The following KRTAP3-1 variants were observed in gnomAD, a reference collection of about 807,000 sequenced individuals.
KRTAP3-1 encodes the protein keratin associated protein 3-1.
In KRTAP3-1, 3 loss-of-function variants were observed where a neutral mutation model predicts 2.8. That is an observed-to-expected ratio of 1.07 (90% CI 0.49 to 2.78). The LOEUF (loss-of-function observed/expected upper bound fraction) is 2.78, where lower values mean the gene tolerates loss of function less well. Among genes scored for constraint, KRTAP3-1 ranks in the 30% most tolerant of loss-of-function variants. The pLI, the probability that KRTAP3-1 is intolerant of heterozygous loss-of-function variation, is 0.04. For synonymous variants in KRTAP3-1, 47 were observed against 49.1 expected, an observed-to-expected ratio of 0.96 and a Z score of 0.18; for missense variants, 130 against 127.6, an observed-to-expected ratio of 1.02 and a Z score of -0.09.
chr17:41,008,727 T>C lies in KRTAP3-1; in HGVS notation c.*51A>G, dbSNP rs749218321. On this transcript the variant is annotated 3_prime_UTR_variant, in exon 1 of 1. Coordinates refer to ENST00000391588, the MANE Select transcript of KRTAP3-1 (RefSeq NM_031958.2). Reference sequence around the variant, plus strand: ...GTAGTGAGTGCTGAAGCCCAGATGGTGCAGAGGACATTGGGCAGCCACCTC... The same window carrying C: ...GTAGTGAGTGCTGAAGCCCAGATGGCGCAGAGGACATTGGGCAGCCACCTC... 5.9e-6 allele frequency: 9 copies of C among 1,532,538 alleles called. 1 individual carries two copies. In the South Asian group the frequency reaches 7.6e-5, roughly 13 times the overall value. 94.9% of individuals were successfully genotyped at this position (1,532,538 alleles called of 1,614,324 possible).
Position 41,009,063 on chromosome 17 carries a change from A to G in KRTAP3-1, c.12T>C (p.Cys4=). Reference sequence around the variant, plus strand: ...TGGGGACGCTGCAGGAGCGGAGAGCACAGCAATACATGGCAATGGGAGGTG... The same window carrying G: ...TGGGGACGCTGCAGGAGCGGAGAGCGCAGCAATACATGGCAATGGGAGGTG... MYC[C]ALRSCSVPTG... The change falls in exon 1 of 1, where the codon TGT becomes TGC. Residue 4 remains cysteine, a synonymous_variant. Coordinates refer to ENST00000391588, the MANE Select transcript of KRTAP3-1 (RefSeq NM_031958.2). The G allele has an allele frequency of 6.2e-7, 1 of 1,613,656 alleles. No homozygotes were observed. Among genetic ancestry groups the G allele is most frequent in the Non-Finnish European group, 8.5e-7 (1 of 1,179,766 alleles).
chr17:41,008,975 T>C lies in KRTAP3-1; in HGVS notation c.100A>G (p.Ser34Gly), dbSNP rs377240874. The change falls in exon 1 of 1, where the codon AGC becomes GGC. Residue 34 changes from serine (S) to glycine (G), a missense_variant. By Grantham distance (56) the Ser-to-Gly change is moderately conservative. Transcript: ENST00000391588. The part of the protein sequence containing the change: ...KSCRCGVCLP[S>G]TCPHEISLLQ... ...AGGCTGATCTCATGTGGGCAGGTGC[T>C]GGGTAGGCAGACTCCACAGCGGCAG... The C allele has an allele frequency of 1.2e-6, 2 of 1,614,076 alleles. No individual in the cohort carries two copies. The highest frequency in any genetic ancestry group is 1.7e-6 in the Non-Finnish European group (2 of 1,180,050).
Position 41,008,951 on chromosome 17 carries a change from G to A in KRTAP3-1, c.124C>T (p.Leu42Phe). 1 of 1,614,256 alleles carries A rather than the reference G, an allele frequency of 6.2e-7. No individual in the cohort carries two copies. The highest frequency in any genetic ancestry group is 8.5e-7 in the Non-Finnish European group (1 of 1,180,052). ...GTGTCACAGCAGATGGGCTGAAGGA[G>A]GCTGATCTCATGTGGGCAGGTGCTG... ...LPSTCPHEISLLQPICCDTCP... is the reference protein window; with the variant it reads ...LPSTCPHEISFLQPICCDTCP... The change falls in exon 1 of 1, where the codon CTC (leucine) becomes TTC (phenylalanine). Residue 42 changes from leucine to phenylalanine, a missense_variant. Physicochemically the swap from Leu to Phe is conservative, Grantham distance 22. Coordinates refer to ENST00000391588, the MANE Select transcript of KRTAP3-1 (RefSeq NM_031958.2).
At position 41,009,128 on chromosome 17, in the gene KRTAP3-1, T is replaced by C; in HGVS notation, c.-54A>G. 6.4e-7 allele frequency: 1 copy of C among 1,550,466 alleles called. No homozygotes were observed. The highest frequency in any genetic ancestry group is 1.2e-5 in the South Asian group (1 of 82,998). ...TGAGAGAAGTCTGTTGGTGTCTCGA[T>C]GCTCCTCTCTTCTGCTCTGGCTCTT... On this transcript the variant is annotated 5_prime_UTR_variant, in exon 1 of 1. Transcript: ENST00000391588.
In KRTAP3-1 at chr17:41,008,982, G is replaced by A. The variant is rs1318062431; in HGVS notation, c.93C>T (p.Cys31=). 6.2e-7 allele frequency: 1 copy of A among 1,614,144 alleles called. No homozygotes were observed. The change falls in exon 1 of 1, where the codon TGC becomes TGT. Residue 31 remains cysteine, a synonymous_variant. Transcript: ENST00000391588. ...TCTCATGTGGGCAGGTGCTGGGTAG[G>A]CAGACTCCACAGCGGCAGCTTTTAT... ...SFDKSCRCGV[C]LPSTCPHEIS...
In KRTAP3-1 at chr17:41,008,681, G is replaced by A. The variant is rs144829467; in HGVS notation, c.*97C>T. The A allele has an allele frequency of 2.9e-3, 3,436 of 1,201,684 alleles. 10 individuals are homozygous for A. Among genetic ancestry groups the A allele is most frequent in the Middle Eastern group, 0.011 (40 of 3,728 alleles). 74.4% of individuals were successfully genotyped at this position (1,201,684 alleles called of 1,614,324 possible). Reference sequence around the variant, plus strand: ...AGACTTGGCCCCGGGGATTGGGATGGCCTTAGCCTTGATGTAGGCAGTAGT... The same window carrying A: ...AGACTTGGCCCCGGGGATTGGGATGACCTTAGCCTTGATGTAGGCAGTAGT... On this transcript the variant is annotated 3_prime_UTR_variant, in exon 1 of 1. Coordinates refer to ENST00000391588, the MANE Select transcript of KRTAP3-1 (RefSeq NM_031958.2).
In KRTAP3-1 at chr17:41,008,969, A is replaced by G; in HGVS notation, c.106T>C (p.Cys36Arg). ...CRCGVCLPSTCPHEISLLQPI... is the reference protein window; with the variant it reads ...CRCGVCLPSTRPHEISLLQPI... The stretch of plus-strand genomic sequence containing the variant: ...TGAAGGAGGCTGATCTCATGTGGGC[A>G]GGTGCTGGGTAGGCAGACTCCACAG... The change falls in exon 1 of 1, where the codon TGC becomes CGC. Residue 36 changes from cysteine to arginine, a missense_variant. By Grantham distance (180) the Cys-to-Arg change is radical. Transcript: ENST00000391588. The G allele has an allele frequency of 6.2e-7, 1 of 1,614,254 alleles. No individual in the cohort carries two copies. The highest frequency in any genetic ancestry group is 1.1e-5 in the South Asian group (1 of 91,090).
At position 41,008,990 on chromosome 17, in the gene KRTAP3-1, CA is replaced by C; in HGVS notation, c.84del (p.Cys28TrpfsTer50). ...GGGCAGGTGCTGGGTAGGCAGACTC[CA>C]CAGCGGCAGCTTTTATCAAATGAGC... ...TFCSFDKSCR[C>X]GVCLPSTCPH... On this transcript the variant is annotated frameshift_variant, in exon 1 of 1. Coordinates refer to ENST00000391588, the MANE Select transcript of KRTAP3-1 (RefSeq NM_031958.2). LOFTEE classifies it high-confidence loss of function. 1 of 1,614,224 alleles carries C rather than the reference CA, an allele frequency of 6.2e-7. No individual in the cohort carries two copies. Among genetic ancestry groups the C allele is most frequent in the East Asian group, 2.2e-5 (1 of 44,884 alleles).
rs1478559178 is a variant in KRTAP3-1, at chr17:41,008,529, G to C, written c.*249C>G. 2 of 481,730 alleles carry C rather than the reference G, an allele frequency of 4.2e-6. No homozygotes were observed. Among genetic ancestry groups the C allele is most frequent in the Non-Finnish European group, 7.3e-6 (2 of 274,874 alleles). The allele number at this position is 481,730 out of a possible 1,614,324, so 29.8% of individuals were successfully genotyped here. A position where few individuals can be genotyped will look rare whatever the true frequency, so the allele number is the denominator to read the frequency against. ...ATAATCACAAGGTCATATTTGCTAA[G>C]CCAGAATAAAGTTTATTAACAAATG... is the stretch of plus-strand genomic sequence containing the variant. On this transcript the variant is annotated 3_prime_UTR_variant, in exon 1 of 1. Transcript: ENST00000391588.
chr17:41,008,845 AG>A lies in KRTAP3-1; in HGVS notation c.229del (p.Leu77Ter). 1 of 1,614,158 alleles carries A rather than the reference AG, an allele frequency of 6.2e-7. No individual in the cohort carries two copies. The highest frequency in any genetic ancestry group is 8.5e-7 in the Non-Finnish European group (1 of 1,180,026). On this transcript the variant is annotated frameshift_variant, in exon 1 of 1. Transcript: ENST00000391588. LOFTEE classifies it high-confidence loss of function. ...ATAGGTGGTCAGGTTGATCCCACTC[AG>A]TCCGGGAGTCGGGTGACAGTTGTTG... ...LLNNCHPTPG[L>X]SGINLTTYVQ...
rs748086268 is a variant in KRTAP3-1 at position 41,008,921 on chromosome 17, G to A, written c.154C>T (p.Pro52Ser). 2 of 1,614,238 alleles carry A rather than the reference G, an allele frequency of 1.2e-6. No homozygotes were observed. The highest frequency in any genetic ancestry group is 1.1e-5 in the South Asian group (1 of 91,088). The change falls in exon 1 of 1, where the codon CCC (proline) becomes TCC (serine). Residue 52 changes from proline (P) to serine (S), a missense_variant. Transcript: ENST00000391588. ...GTATCAGGCTTGCAGCAGGGTGGGG[G>A]GCAGGTGTCACAGCAGATGGGCTGA... ...LLQPICCDTC[P>S]PPCCKPDTYV...
Position 41,008,779 on chromosome 17 carries a change from T to C in KRTAP3-1, c.296A>G (p.Ter99=). ...GCESPCEPRC[*] ...CGGAACCTGTGCAGACTCGGCTGGT[T>C]AACAGCGGGGCTCACAGGGACTCTC... is the stretch of plus-strand genomic sequence containing the variant. The change falls in exon 1 of 1, where the codon TAA becomes TGA. Residue 99 remains the stop codon, a stop_retained_variant. Transcript: ENST00000391588. The C allele has an allele frequency of 6.2e-7, 1 of 1,602,570 alleles. No individual in the cohort carries two copies. Among genetic ancestry groups the C allele is most frequent in the South Asian group, 1.1e-5 (1 of 88,860 alleles).
chr17:41,009,127 A>G lies in KRTAP3-1; in HGVS notation c.-53T>C, dbSNP rs2011996905. On this transcript the variant is annotated 5_prime_UTR_variant, in exon 1 of 1. Coordinates refer to ENST00000391588, the MANE Select transcript of KRTAP3-1 (RefSeq NM_031958.2). The stretch of plus-strand genomic sequence containing the variant: ...TTGAGAGAAGTCTGTTGGTGTCTCG[A>G]TGCTCCTCTCTTCTGCTCTGGCTCT... 30 of 1,554,466 alleles carry G rather than the reference A, an allele frequency of 1.9e-5. No individual in the cohort carries two copies. In the South Asian group the frequency reaches 3.0e-4, roughly 16 times the overall value.
chr17:41,009,115 GT>G lies in KRTAP3-1; in HGVS notation c.-42del, dbSNP rs1380375292. On this transcript the variant is annotated 5_prime_UTR_variant, in exon 1 of 1. Transcript: ENST00000391588. The stretch of plus-strand genomic sequence containing the variant: ...GTTTTTGTTGAGTTGAGAGAAGTCT[GT>G]TGGTGTCTCGATGCTCCTCTCTTCT... 6.5e-7 allele frequency: 1 copy of G among 1,549,692 alleles called. No individual in the cohort carries two copies. Among genetic ancestry groups the G allele is most frequent in the Admixed American group, 1.7e-5 (1 of 58,418 alleles).
rs931661461 is a variant in KRTAP3-1 at position 41,008,694 on chromosome 17, T to C, written c.*84A>G. 7 of 1,320,392 alleles carry C rather than the reference T, an allele frequency of 5.3e-6. No homozygotes were observed. In the Admixed American group the frequency reaches 1.8e-4, roughly 33 times the overall value. 81.8% of individuals were successfully genotyped at this position (1,320,392 alleles called of 1,614,324 possible). A position where few individuals can be genotyped will look rare whatever the true frequency, so the allele number is the denominator to read the frequency against. ...GGGATTGGGATGGCCTTAGCCTTGA[T>C]GTAGGCAGTAGTGAGTGCTGAAGCC... On this transcript the variant is annotated 3_prime_UTR_variant, in exon 1 of 1. Coordinates refer to ENST00000391588, the MANE Select transcript of KRTAP3-1 (RefSeq NM_031958.2).
chr17:41,008,899 T>A lies in KRTAP3-1; in HGVS notation c.176A>T (p.Asp59Val). The change falls in exon 1 of 1, where the codon GAT (aspartate) becomes GTT (valine). Residue 59 changes from aspartate (D) to valine (V), a missense_variant. Coordinates refer to ENST00000391588, the MANE Select transcript of KRTAP3-1 (RefSeq NM_031958.2). ...DTCPPPCCKP[D>V]TYVPTCWLLN... is the part of the protein sequence containing the mutation. ...CAGCCAGCAAGTTGGCACATAGGTA[T>A]CAGGCTTGCAGCAGGGTGGGGGGCA... 6.2e-7 allele frequency: 1 copy of A among 1,614,194 alleles called. No homozygotes were observed. The highest frequency in any genetic ancestry group is 8.5e-7 in the Non-Finnish European group (1 of 1,180,042).
At position 41,008,814 on chromosome 17, in the gene KRTAP3-1, C is replaced by A. The variant is rs1227910069; in HGVS notation, c.261G>T (p.Gln87His). The change falls in exon 1 of 1, where the codon CAG becomes CAT. Residue 87 changes from glutamine (Q) to histidine (H), a missense_variant. By Grantham distance (24) the Gln-to-His change is conservative (BLOSUM62 0). Coordinates refer to ENST00000391588, the MANE Select transcript of KRTAP3-1 (RefSeq NM_031958.2). Reference protein sequence around the residue: ...LSGINLTTYVQPGCESPCEPR... With the variant: ...LSGINLTTYVHPGCESPCEPR... ...GCTCACAGGGACTCTCACAGCCAGG[C>A]TGAACATAGGTGGTCAGGTTGATCC... 25 of 1,613,230 alleles carry A rather than the reference C, an allele frequency of 1.5e-5. No homozygotes were observed. The highest frequency in any genetic ancestry group is 1.6e-4 in the Middle Eastern group (1 of 6,084).
chr17:41,008,846 G>C lies in KRTAP3-1; in HGVS notation c.229C>G (p.Leu77Val), dbSNP rs770163331. The part of the protein sequence containing the change: ...LLNNCHPTPG[L>V]SGINLTTYVQ... Reference sequence around the variant, plus strand: ...TAGGTGGTCAGGTTGATCCCACTCAGTCCGGGAGTCGGGTGACAGTTGTTG... The same window carrying C: ...TAGGTGGTCAGGTTGATCCCACTCACTCCGGGAGTCGGGTGACAGTTGTTG... Residue 77 changes from leucine (L) to valine (V), a missense_variant, in exon 1 of 1, where the codon CTG becomes GTG. By Grantham distance (32) the Leu-to-Val change is conservative. Transcript: ENST00000391588. The C allele has an allele frequency of 6.2e-7, 1 of 1,614,200 alleles. No individual in the cohort carries two copies. The highest frequency in any genetic ancestry group is 1.7e-5 in the Admixed American group (1 of 60,024).
Position 41,008,889 on chromosome 17 carries a change from C to A in KRTAP3-1, c.186G>T (p.Val62=). The A allele has an allele frequency of 6.2e-7, 1 of 1,614,174 alleles. No homozygotes were observed. The highest frequency in any genetic ancestry group is 1.1e-5 in the South Asian group (1 of 91,074). The change falls in exon 1 of 1, where the codon GTG becomes GTT. Residue 62 remains valine (V), a synonymous_variant. Transcript: ENST00000391588. Reference sequence around the variant, plus strand: ...AGTTGTTGAGCAGCCAGCAAGTTGGCACATAGGTATCAGGCTTGCAGCAGG... The same window carrying A: ...AGTTGTTGAGCAGCCAGCAAGTTGGAACATAGGTATCAGGCTTGCAGCAGG... The part of the protein sequence containing the change: ...PPPCCKPDTY[V]PTCWLLNNCH...
Sources: allele counts gnomAD v4.1 joint callset, GRCh38; gene constraint gnomAD v4.1.1; transcripts MANE v1.5; gene names NCBI Gene and HGNC (gene_info 2026-07-23, HGNC 2026-07-21).